The following ADAMTSL1 variants were observed in gnomAD, a reference collection of about 807,000 sequenced individuals.
ADAMTSL1 encodes the protein ADAMTS like 1.
A neutral mutation model predicts 201.8 loss-of-function variants in ADAMTSL1; 126 were observed. The ratio of observed to expected loss-of-function variants is 0.62; its 90% CI spans 0.54 to 0.72. ADAMTSL1 has a LOEUF of 0.72. Among genes scored for constraint, ADAMTSL1 ranks in the 30% least tolerant of loss-of-function variants. The probability of loss-of-function intolerance (pLI) is 0.00; values close to 1 mark genes in which losing one functional copy is unlikely to be tolerated. For missense variants in ADAMTSL1, 2,679 were observed against 2,277.8 expected (o/e 1.18, Z -3.59); for synonymous variants, 1,121 against 903.4 (o/e 1.24, Z -4.32).
chr9:18,678,013 A>G (rs1830223598), intron 10 of ADAMTSL1, among the ~76,000 whole-genome samples: 2 of 152,090 alleles, frequency 1.3e-5, no homozygotes, highest in African/African-American at 4.8e-5. Flanking sequence ...GGTTAAGAAC[A>G]CAGGTATAGA....
chr9:18,485,436 A>G (rs4961652), intron 1 of ADAMTSL1, among the ~76,000 whole-genome samples: 84,310 of 152,062 alleles, frequency 0.55, 23,512 homozygotes, highest in South Asian at 0.6. Context: ...ACACAAAGAT[A>G]AACAAGACAG....
intron 1 of ADAMTSL1, among the ~76,000 whole-genome samples, chr9:17,939,482 C>T (rs536435897): frequency 6.6e-6 from 1 of 151,934 alleles, no homozygotes; most frequent in Non-Finnish European, 1.5e-5. Flanking sequence ...TCATCTCATT[C>T]AGAAATCTGT....
intron 2 of ADAMTSL1, among the ~76,000 whole-genome samples, chr9:18,393,156 T>C (rs1838121581): frequency 1.3e-5 from 2 of 152,218 alleles, no homozygotes; most frequent in South Asian, 4.1e-4. Context: ...CCTCTAAATT[T>C]TACTCCAACT....
At chr9:18,087,577 C>G (rs1015701362) in intron 1 of ADAMTSL1, among the ~76,000 whole-genome samples, 10 of 151,900 alleles carry the variant, frequency 6.6e-5, no homozygotes, top group African/African-American at 2.4e-4. Context: ...TTTGGATTTG[C>G]ATTTTATAAC....
At chr9:17,973,840 T>A (rs1379550866) in intron 1 of ADAMTSL1, among the ~76,000 whole-genome samples, 1 of 150,632 alleles carries the variant, frequency 6.6e-6, no homozygotes, top group Non-Finnish European at 1.5e-5. Flanking sequence ...TTTGATTTCA[T>A]TGAGCAGTGG....
chr9:18,066,124 C>T (rs1822690770), intron 1 of ADAMTSL1, among the ~76,000 whole-genome samples: 1 of 150,878 alleles, frequency 6.6e-6, no homozygotes, highest in South Asian at 2.1e-4. Context: ...TATAGTGTCA[C>T]TATGTTCTTT....
chr9:18,402,533 A>T (rs935867286), intron 2 of ADAMTSL1, among the ~76,000 whole-genome samples: 2 of 152,072 alleles, frequency 1.3e-5, no homozygotes, highest in Non-Finnish European at 2.9e-5. Context: ...TCCTCTCCAT[A>T]GAACCGTTTT....
chr9:18,626,938 CCTTT>C (rs372796093), intron 5 of ADAMTSL1, among the ~76,000 whole-genome samples: 39 of 123,330 alleles, frequency 3.2e-4, no homozygotes, highest in East Asian at 1.9e-3. Flanking sequence ...TTCTTTCTTT[CCTTT>C]CTTTCTTTCT....
chr9:18,282,300 A>G (rs192761444), intron 2 of ADAMTSL1, among the ~76,000 whole-genome samples: 15 of 152,264 alleles, frequency 9.9e-5, no homozygotes, highest in Non-Finnish European at 1.8e-4. Flanking sequence ...AATTTTCTGT[A>G]TCCAGTCAAC....
intron 1 of ADAMTSL1, among the ~76,000 whole-genome samples, chr9:18,034,115 A>T (rs1305790188): frequency 1.3e-5 from 2 of 152,150 alleles, no homozygotes; most frequent in African/African-American, 2.4e-5. Context: ...TTCTACAAGC[A>T]TACTTTTCTC....
intron 1 of ADAMTSL1, among the ~76,000 whole-genome samples, chr9:17,960,051 C>T (rs1817678637): frequency 6.6e-6 from 1 of 152,166 alleles, no homozygotes; most frequent in Non-Finnish European, 1.5e-5. Context: ...TTCTTACCAA[C>T]ACTGATGATC....
intron 2 of ADAMTSL1, among the ~76,000 whole-genome samples, chr9:18,515,241 G>A (rs62552136): frequency 0.099 from 15,139 of 152,194 alleles, 828 homozygotes; most frequent in Middle Eastern, 0.14. Flanking sequence ...TAAAATTGCT[G>A]CCGTCTCGAA....
At chr9:18,101,340 A>T (rs1824511582) in intron 1 of ADAMTSL1, among the ~76,000 whole-genome samples, 1 of 152,070 alleles carries the variant, frequency 6.6e-6, no homozygotes, top group African/African-American at 2.4e-5. Flanking sequence ...TACTAAAAAA[A>T]TACAAAAATT....
At chr9:18,011,800 TCAGGCTGTTACCTTC>T (rs1486302799) in intron 1 of ADAMTSL1, among the ~76,000 whole-genome samples, 1 of 151,880 alleles carries the variant, frequency 6.6e-6, no homozygotes, top group Non-Finnish European at 1.5e-5. Flanking sequence ...AATACAGAAG[TCAGGCTGTTACCTTC>T]CAGCCCAGTG....
chr9:18,071,080 T>C (rs1822942374), intron 1 of ADAMTSL1, among the ~76,000 whole-genome samples: 1 of 152,052 alleles, frequency 6.6e-6, no homozygotes, highest in South Asian at 2.1e-4. Context: ...AGATCAAGAA[T>C]ATATGGAGAA....
intron 2 of ADAMTSL1, among the ~76,000 whole-genome samples, chr9:18,195,708 C>A (rs1246947817): frequency 1.3e-5 from 2 of 152,112 alleles, no homozygotes; most frequent in Non-Finnish European, 2.9e-5. Flanking sequence ...TGTTTACAAG[C>A]AAATGCCATC....
chr9:18,628,484 G>A (rs920459022), intron 5 of ADAMTSL1, among the ~76,000 whole-genome samples: 3 of 152,084 alleles, frequency 2.0e-5, no homozygotes, highest in African/African-American at 7.2e-5. Flanking sequence ...TGGCTTTAAG[G>A]TAAATCTTAA....
At chr9:17,989,600 A>G (rs890477744) in intron 1 of ADAMTSL1, among the ~76,000 whole-genome samples, 9 of 152,012 alleles carry the variant, frequency 5.9e-5, no homozygotes, top group African/African-American at 2.2e-4. Flanking sequence ...TTTTGAAATA[A>G]TTTTGCATTA....
chr9:18,767,655 C>T (rs1820441071), intron 16 of ADAMTSL1, among the ~76,000 whole-genome samples: 1 of 152,134 alleles, frequency 6.6e-6, no homozygotes, highest in African/African-American at 2.4e-5. Flanking sequence ...AATTCAATGC[C>T]ACAGACATTT....
Sources: allele counts gnomAD v4.1 joint callset (sites outside exome capture counted in the v4.1 genomes callset), GRCh38; gene constraint gnomAD v4.1.1; transcripts MANE v1.5; gene names NCBI Gene and HGNC (gene_info 2026-07-23, HGNC 2026-07-21).